Variants in KCNN2 observed in about 807,000 individuals in gnomAD.
KCNN2 encodes the protein small conductance calcium-activated potassium channel protein 2.
KCNN2 carries 24 observed loss-of-function variants against 55.5 expected under a neutral mutation model. That is an observed-to-expected ratio of 0.43 (90% CI 0.31 to 0.61). The LOEUF (loss-of-function observed/expected upper bound fraction) is 0.61, where lower values mean the gene tolerates loss of function less well. Ranked by LOEUF, KCNN2 falls within the 20% of genes least tolerant of loss-of-function variation. The pLI, the probability that KCNN2 is intolerant of heterozygous loss-of-function variation, is 0.08. For synonymous variants in KCNN2, 431 were observed against 336.1 expected, an observed-to-expected ratio of 1.28 and a Z score of -3.09; for missense variants, 754 against 853.6, an observed-to-expected ratio of 0.88 and a Z score of 1.45.
At chr5:114,168,970 A>C (rs1394819293) in intron 1 of KCNN2, among the ~76,000 whole-genome samples, 2 of 152,058 alleles carry the variant, frequency 1.3e-5, no homozygotes, top group African/African-American at 4.8e-5. Flanking sequence ...ATGGGGACAG[A>C]TTCTGCCCTT....
chr5:114,154,492 A>C (rs1050479523), intron 1 of KCNN2, among the ~76,000 whole-genome samples: 2 of 151,722 alleles, frequency 1.3e-5, no homozygotes, highest in Non-Finnish European at 2.9e-5. Context: ...CCTACTCTAC[A>C]GGCTCAGAAA....
intron 3 of KCNN2, among the ~76,000 whole-genome samples, chr5:114,413,330 G>C (rs1023189833): frequency 2.6e-5 from 4 of 151,896 alleles, no homozygotes; most frequent in Non-Finnish European, 5.9e-5. Context: ...TGTCACTCAG[G>C]CTGGAGTGCA....
At position 114,412,416 on chromosome 5, in the gene KCNN2, T is replaced by C. The variant is rs148312957; in HGVS notation, c.1637+7560T>C. 4.2e-3 allele frequency among the ~76,000 whole-genome samples: 598 copies of C among 140,874 alleles called. 3 individuals are homozygous for C. Among genetic ancestry groups the C allele is most frequent in the Non-Finnish European group, 6.7e-3 (445 of 66,064 alleles). 92.4% of individuals were successfully genotyped at this position (140,874 alleles called of 152,430 possible). A position where few individuals can be genotyped will look rare whatever the true frequency, so the allele number is the denominator to read the frequency against. On this transcript the variant is annotated intron_variant, in intron 3 of 7. Coordinates refer to ENST00000673685, the MANE Select transcript of KCNN2 (RefSeq NM_021614.4). ...ACATGCTTTTAAATGAACTTTAAGA[T>C]TCAATATGTGATCAACTCTGTATCT... is the stretch of plus-strand genomic sequence containing the variant.
At chr5:114,458,330 C>T (rs1442236480) in intron 3 of KCNN2, among the ~76,000 whole-genome samples, 6 of 152,274 alleles carry the variant, frequency 3.9e-5, no homozygotes, top group South Asian at 2.1e-4. Flanking sequence ...TTAACCTCCA[C>T]GACTGAATTA....
intron 2 of KCNN2, among the ~76,000 whole-genome samples, chr5:114,272,537 A>G (rs1177111382): frequency 2.0e-5 from 3 of 152,164 alleles, no homozygotes; most frequent in Non-Finnish European, 2.9e-5. Context: ...CACAATTTGT[A>G]TAGGTAATTT....
At chr5:114,337,066 G>C (rs555126319) in intron 2 of KCNN2, among the ~76,000 whole-genome samples, 1 of 152,246 alleles carries the variant, frequency 6.6e-6, no homozygotes, top group Admixed American at 6.5e-5. Flanking sequence ...GAATATATTA[G>C]AGGTTGGCAG....
intron 2 of KCNN2, among the ~76,000 whole-genome samples, chr5:114,372,660 T>C (rs1757798386): frequency 6.6e-6 from 1 of 152,100 alleles, no homozygotes. Context: ...ATATGAAAAG[T>C]AGTATAAATT....
intron 1 of KCNN2, among the ~76,000 whole-genome samples, chr5:114,120,098 C>A (rs535252677): frequency 7.9e-5 from 12 of 152,226 alleles, no homozygotes; most frequent in Middle Eastern, 3.4e-3. Flanking sequence ...ATCCAGGAAG[C>A]TCTTGATTTT....
intron 2 of KCNN2, among the ~76,000 whole-genome samples, chr5:114,223,791 G>A (rs1580635088): frequency 6.6e-6 from 1 of 152,200 alleles, no homozygotes; most frequent in Non-Finnish European, 1.5e-5. Context: ...TTCTGAGGAA[G>A]GGGTGTTGCT....
intron 3 of KCNN2, among the ~76,000 whole-genome samples, chr5:114,408,646 A>G (rs1759018664): frequency 6.6e-6 from 1 of 152,194 alleles, no homozygotes; most frequent in East Asian, 1.9e-4. Flanking sequence ...ATTATGCATA[A>G]CAATGTAACA....
At chr5:114,145,285 C>CA in intron 1 of KCNN2, among the ~76,000 whole-genome samples, 1 of 152,180 alleles carries the variant, frequency 6.6e-6, no homozygotes, top group Non-Finnish European at 1.5e-5. Context: ...GCCCAATCAA[C>CA]AATGGTATAG....
upstream of KCNN2, among the ~76,000 whole-genome samples, chr5:114,358,637 C>A (rs774622109): frequency 3.5e-5 from 5 of 143,804 alleles, no homozygotes; most frequent in Non-Finnish European, 6.1e-5. Flanking sequence ...AAGTCATAGC[C>A]CTTGATCTGC....
intron 4 of KCNN2, among the ~76,000 whole-genome samples, chr5:114,467,767 C>G (rs1393373115): frequency 6.6e-6 from 1 of 152,040 alleles, no homozygotes; most frequent in African/African-American, 2.4e-5. Context: ...GTTGTTGTGA[C>G]CTTTTAGCAC....
chr5:114,124,870 T>C (rs1022221390), intron 1 of KCNN2, among the ~76,000 whole-genome samples: 2 of 152,226 alleles, frequency 1.3e-5, no homozygotes, highest in African/African-American at 4.8e-5. Context: ...CTTGGCTTTA[T>C]TTTTCTTCTC....
chr5:114,270,528 T>A (rs946776074), intron 2 of KCNN2, among the ~76,000 whole-genome samples: 11 of 152,208 alleles, frequency 7.2e-5, no homozygotes, highest in African/African-American at 2.4e-4. Flanking sequence ...ATGTCAATAC[T>A]CTTGAAACCA....
chr5:114,463,808 TG>T (rs772331518), intron 4 of KCNN2, among the ~76,000 whole-genome samples: 3 of 152,144 alleles, frequency 2.0e-5, no homozygotes, highest in Non-Finnish European at 4.4e-5. Flanking sequence ...GGGAGAGGGA[TG>T]GGATCTACTC....
intron 2 of KCNN2, among the ~76,000 whole-genome samples, chr5:114,389,435 TG>T (rs1486931242): frequency 1.3e-5 from 2 of 152,184 alleles, no homozygotes; most frequent in African/African-American, 2.4e-5. Flanking sequence ...CATGTAACCC[TG>T]GCAAGTTCCT....
chr5:114,129,889 A>G (rs912067699), intron 1 of KCNN2, among the ~76,000 whole-genome samples: 1 of 152,180 alleles, frequency 6.6e-6, no homozygotes, highest in Non-Finnish European at 1.5e-5. Flanking sequence ...TCTTCTGTGG[A>G]GTCTAGGACC....
At chr5:114,402,284 G>A (rs909396781) in intron 2 of KCNN2, among the ~76,000 whole-genome samples, 2 of 152,202 alleles carry the variant, frequency 1.3e-5, no homozygotes, top group African/African-American at 4.8e-5. Context: ...GGTATCTTTA[G>A]TGACCTTAGC....
Sources: gnomAD v4.1 joint callset for allele counts (sites outside exome capture counted in the v4.1 genomes callset) on GRCh38, gnomAD v4.1.1 for gene constraint, MANE v1.5 for transcripts, NCBI Gene and HGNC (gene_info 2026-07-23, HGNC 2026-07-21) for gene names.